Variants in NKAIN3 observed in about 807,000 individuals in gnomAD.
NKAIN3 encodes sodium/potassium-transporting ATPase subunit beta-1-interacting protein 3.
A neutral mutation model predicts 30.2 loss-of-function variants in NKAIN3; 25 were observed. The ratio of observed to expected loss-of-function variants is 0.83; its 90% CI spans 0.60 to 1.16. The LOEUF (loss-of-function observed/expected upper bound fraction) is 1.16. Among genes scored for constraint, NKAIN3 ranks in the 50% most tolerant of loss-of-function variants. NKAIN3 has a pLI of 0.00. For synonymous variants in NKAIN3, 91 were observed against 89.6 expected (o/e 1.02, Z -0.09); for missense variants, 225 against 254.1 (o/e 0.89, Z 0.78).
At chr8:62,956,830 T>C (rs1823432415) in intron 6 of NKAIN3, among the ~76,000 whole-genome samples, 1 of 152,192 alleles carries the variant, frequency 6.6e-6, no homozygotes, top group South Asian at 2.1e-4. Flanking sequence ...AGGGGAGATC[T>C]ACATAGAAAG....
chr8:62,768,910 GA>G (rs1278264537), intron 4 of NKAIN3, among the ~76,000 whole-genome samples: 1 of 151,986 alleles, frequency 6.6e-6, no homozygotes, highest in Non-Finnish European at 1.5e-5. Context: ...AATCTTTCAA[GA>G]AAAAAAGTTA....
At chr8:62,804,759 C>G (rs1818210198) in intron 4 of NKAIN3, among the ~76,000 whole-genome samples, 2 of 152,288 alleles carry the variant, frequency 1.3e-5, no homozygotes, top group South Asian at 4.1e-4. Context: ...GATGCCCTCT[C>G]TCACCACACC....
chr8:62,614,147 T>C (rs1811375943), intron 3 of NKAIN3, among the ~76,000 whole-genome samples: 1 of 152,166 alleles, frequency 6.6e-6, no homozygotes, highest in Non-Finnish European at 1.5e-5. Context: ...TGGGCTTATT[T>C]GTAGCCATTC....
At chr8:62,465,365 G>A (rs935727512) in intron 1 of NKAIN3, among the ~76,000 whole-genome samples, 5 of 152,060 alleles carry the variant, frequency 3.3e-5, no homozygotes, top group South Asian at 2.1e-4. Flanking sequence ...AAACAAGAAC[G>A]TTAACACAAC....
At chr8:62,649,891 C>T (rs545339741) in intron 3 of NKAIN3, among the ~76,000 whole-genome samples, 1 of 152,134 alleles carries the variant, frequency 6.6e-6, no homozygotes, top group Non-Finnish European at 1.5e-5. Flanking sequence ...CTATTTTAAA[C>T]AACTGCAAAG....
chr8:62,878,769 T>G (rs1248013095), intron 4 of NKAIN3, among the ~76,000 whole-genome samples: 1 of 151,054 alleles, frequency 6.6e-6, no homozygotes, highest in East Asian at 2.0e-4. Flanking sequence ...GTGTTTGGTT[T>G]TTTGTCCTTG....
chr8:62,584,860 T>C (rs1810421473), intron 2 of NKAIN3, among the ~76,000 whole-genome samples: 1 of 152,228 alleles, frequency 6.6e-6, no homozygotes, highest in Non-Finnish European at 1.5e-5. Flanking sequence ...CTTCGCTACC[T>C]GTCTTGCCCC....
chr8:62,962,514 T>C (rs1823597634), intron 6 of NKAIN3, among the ~76,000 whole-genome samples: 1 of 152,136 alleles, frequency 6.6e-6, no homozygotes, highest in South Asian at 2.1e-4. Context: ...ATTGAGCAGG[T>C]TCTTTCAACC....
chr8:62,668,111 T>TACACAC (rs5891867), intron 3 of NKAIN3, among the ~76,000 whole-genome samples: 6,699 of 149,074 alleles, frequency 0.045, 234 homozygotes, highest in African/African-American at 0.1. Context: ...CACACACACA[T>TACACAC]ACACACACAC....
chr8:62,571,850 C>T (rs916038867), intron 1 of NKAIN3, among the ~76,000 whole-genome samples: 4 of 152,110 alleles, frequency 2.6e-5, no homozygotes, highest in African/African-American at 4.8e-5. Context: ...GGCACCAAAT[C>T]CCTAGGCTGC....
In NKAIN3 at chr8:62,836,788, A is replaced by G. The variant is rs141399533; in HGVS notation, c.472-81665A>G. Among the ~76,000 whole-genome samples, 4 of 152,272 alleles carry G rather than the reference A, an allele frequency of 2.6e-5. No homozygotes were observed. The East Asian group carries it at 7.7e-4, about 29-fold the overall frequency. On this transcript the variant is annotated intron_variant, in intron 4 of 6. Transcript: ENST00000623646. ...CCATGCTGGAGATGACTTTGGCAAG[A>G]ACAAGTGTCCAGAGATGATTAAGAA...
At chr8:62,834,536 T>C (rs896034039) in intron 4 of NKAIN3, among the ~76,000 whole-genome samples, 1 of 151,614 alleles carries the variant, frequency 6.6e-6, no homozygotes, top group Non-Finnish European at 1.5e-5. Flanking sequence ...CCAATAACAT[T>C]CAAACTGAGA....
intron 4 of NKAIN3, among the ~76,000 whole-genome samples, chr8:62,840,079 G>C (rs1381752038): frequency 6.6e-6 from 1 of 151,996 alleles, no homozygotes; most frequent in Non-Finnish European, 1.5e-5. Flanking sequence ...CTCTTAGTAG[G>C]CATTCAATAA....
rs1038026051 is a variant in NKAIN3, at chr8:62,974,841, A to G, written c.*9434A>G. Among the ~76,000 whole-genome samples, 1 of 152,094 alleles carries G rather than the reference A, an allele frequency of 6.6e-6. No homozygotes were observed. Among genetic ancestry groups the G allele is most frequent in the Non-Finnish European group, 1.5e-5 (1 of 68,018 alleles). On this transcript the variant is annotated 3_prime_UTR_variant, in exon 7 of 7. Coordinates refer to ENST00000623646, the MANE Select transcript of NKAIN3 (RefSeq NM_001304533.3). ...TTATTTTGAGATATGTTCCATCAAT[A>G]CCTAGTTTATTGAGTGTTTTTAGCA...
chr8:62,867,556 A>G (rs1251779976), intron 4 of NKAIN3, among the ~76,000 whole-genome samples: 1 of 152,216 alleles, frequency 6.6e-6, no homozygotes, highest in East Asian at 1.9e-4. Flanking sequence ...TCATAGCTCA[A>G]AAGACTTATG....
intron 1 of NKAIN3, among the ~76,000 whole-genome samples, chr8:62,564,973 C>T (rs1162939380): frequency 6.6e-6 from 1 of 152,072 alleles, no homozygotes; most frequent in Non-Finnish European, 1.5e-5. Flanking sequence ...CACAGCTGTA[C>T]ACATACATGA....
intron 4 of NKAIN3, among the ~76,000 whole-genome samples, chr8:62,878,502 T>A (rs1820868153): frequency 6.6e-6 from 1 of 151,988 alleles, no homozygotes; most frequent in Non-Finnish European, 1.5e-5. Flanking sequence ...TGTTCTGTTG[T>A]TGTGTTTTTA....
intron 2 of NKAIN3, among the ~76,000 whole-genome samples, chr8:62,580,848 T>C (rs963483061): frequency 6.6e-6 from 1 of 151,468 alleles, no homozygotes; most frequent in Non-Finnish European, 1.5e-5. Flanking sequence ...CCCAGCACTT[T>C]GGGAGGCTGA....
chr8:62,713,747 C>T (rs1814803036), intron 3 of NKAIN3, among the ~76,000 whole-genome samples: 1 of 152,034 alleles, frequency 6.6e-6, no homozygotes, highest in African/African-American at 2.4e-5. Flanking sequence ...CTAAATAGAA[C>T]TTTGATATAT....
Sources: allele counts gnomAD v4.1 joint callset (sites outside exome capture counted in the v4.1 genomes callset), GRCh38; gene constraint gnomAD v4.1.1; transcripts MANE v1.5; gene names NCBI Gene and HGNC (gene_info 2026-07-23, HGNC 2026-07-21).